TIAM1: variants seen among roughly 807,000 people sequenced by gnomAD.
TIAM1 encodes TIAM Rac1 associated GEF 1, also known as rho guanine nucleotide exchange factor TIAM1.
TIAM1 carries 65 observed loss-of-function variants against 163.5 expected under a neutral mutation model. The ratio of observed to expected loss-of-function variants is 0.40; its 90% CI spans 0.33 to 0.49. The LOEUF is 0.49. Among genes scored for constraint, TIAM1 ranks in the 20% least tolerant of loss-of-function variants. The pLI is 0.77. For synonymous variants in TIAM1, 833 were observed against 810.1 expected, an observed-to-expected ratio of 1.03 and a Z score of -0.48; for missense variants, 1,789 against 2,044.7, an observed-to-expected ratio of 0.87 and a Z score of 2.41.
rs550340650 is a variant in TIAM1 at position 31,441,473 on chromosome 21, C to T, written c.-369+22510G>A. On this transcript the variant is annotated intron_variant, in intron 2 of 28. Transcript: ENST00000286827. Reference sequence around the variant, plus strand: ...CTGCAAGCACTTTCCCCTTCTAGGACTTGAGTCCCAGGAATATGGCAATGT... The same window carrying T: ...CTGCAAGCACTTTCCCCTTCTAGGATTTGAGTCCCAGGAATATGGCAATGT... Among the ~76,000 whole-genome samples the T allele has an allele frequency of 5.6e-4, 85 of 152,284 alleles. 1 individual carries two copies. The highest frequency in any genetic ancestry group is 2.0e-3 in the African/African-American group (82 of 41,552).
intron 2 of TIAM1, among the ~76,000 whole-genome samples, chr21:31,388,259 A>ACACACACAC (rs1555964695): frequency 0.054 from 5,273 of 98,030 alleles, 184 homozygotes; most frequent in South Asian, 0.12. Context: ...ACACACACAC[A>ACACACACAC]ACCTCTTACG....
intron 2 of TIAM1, among the ~76,000 whole-genome samples, chr21:31,321,789 T>C (rs1297256205): frequency 6.6e-6 from 1 of 152,062 alleles, no homozygotes; most frequent in African/African-American, 2.4e-5. Context: ...CCGGGCACGG[T>C]GGCTCACACC....
chr21:31,185,004 G>C (rs2085213265), intron 14 of TIAM1, among the ~76,000 whole-genome samples: 1 of 149,934 alleles, frequency 6.7e-6, no homozygotes, highest in Middle Eastern at 3.2e-3. Context: ...GCTGAACCAG[G>C]ACAAAAAAGG....
chr21:31,163,931 A>G (rs1158938603), intron 16 of TIAM1, among the ~76,000 whole-genome samples: 7 of 152,248 alleles, frequency 4.6e-5, no homozygotes, highest in Non-Finnish European at 7.3e-5. Flanking sequence ...AAAAAGATGA[A>G]TAAGTATGGA....
chr21:31,153,714 T>TAC (rs1226736473), intron 17 of TIAM1, among the ~76,000 whole-genome samples: 1 of 73,122 alleles, frequency 1.4e-5, no homozygotes, highest in Non-Finnish European at 2.7e-5. Context: ...AACACATACA[T>TAC]ATATATATAT....
chr21:31,197,250 A>G (rs1490335673), intron 12 of TIAM1, among the ~76,000 whole-genome samples: 1 of 152,256 alleles, frequency 6.6e-6, no homozygotes, highest in Non-Finnish European at 1.5e-5. Context: ...AAGAGTTAAA[A>G]TTATTTAAAA....
At chr21:31,526,093 G>T (rs534356490) in intron 1 of TIAM1, among the ~76,000 whole-genome samples, 1 of 152,072 alleles carries the variant, frequency 6.6e-6, no homozygotes, top group South Asian at 2.1e-4. Flanking sequence ...TTTGAACCTG[G>T]TCTGCAGTTC....
intron 2 of TIAM1, among the ~76,000 whole-genome samples, chr21:31,330,561 C>T (rs2075645389): frequency 6.6e-6 from 1 of 152,190 alleles, no homozygotes; most frequent in Non-Finnish European, 1.5e-5. Context: ...GCCTTAGCCT[C>T]CCAAGTAGCT....
intron 1 of TIAM1, among the ~76,000 whole-genome samples, chr21:31,495,942 A>T: frequency 6.6e-6 from 1 of 151,976 alleles, no homozygotes; most frequent in East Asian, 1.9e-4. Flanking sequence ...ACTGCACTCC[A>T]GCCTGAGTGA....
intron 2 of TIAM1, among the ~76,000 whole-genome samples, chr21:31,430,770 CT>C (rs2043999823): frequency 6.6e-6 from 1 of 152,074 alleles, no homozygotes; most frequent in Non-Finnish European, 1.5e-5. Flanking sequence ...TGTTCTGTAT[CT>C]TTTCCTCCAC....
At chr21:31,269,723 G>A (rs1246710254) in intron 3 of TIAM1, among the ~76,000 whole-genome samples, 2 of 148,836 alleles carry the variant, frequency 1.3e-5, no homozygotes, top group African/African-American at 2.5e-5. Flanking sequence ...CCCGGCTGGA[G>A]TGCAGTGGCA....
rs929347180 is a variant in TIAM1, at chr21:31,240,284, T to TA, written c.1584+5203dup. Among the ~76,000 whole-genome samples the TA allele has an allele frequency of 2.6e-5, 4 of 152,180 alleles. No homozygotes were observed. In the East Asian group the frequency reaches 7.7e-4, roughly 29 times the overall value. On this transcript the variant is annotated intron_variant, in intron 6 of 27. Coordinates refer to ENST00000541036, the MANE Select transcript of TIAM1 (RefSeq NM_001353694.2). ...TTCACAAAAGCAACACGAACAGTGG[T>TA]AAAAAATGGTCAAAATCAACTTTTT...
intron 2 of TIAM1, among the ~76,000 whole-genome samples, chr21:31,354,467 T>G (rs2076284098): frequency 6.6e-6 from 1 of 151,518 alleles, no homozygotes; most frequent in African/African-American, 2.4e-5. Flanking sequence ...GGACCCCCCC[T>G]CCACACCCCC....
intron 1 of TIAM1, among the ~76,000 whole-genome samples, chr21:31,520,921 C>T (rs2047557911): frequency 6.6e-6 from 1 of 152,224 alleles, no homozygotes; most frequent in Non-Finnish European, 1.5e-5. Context: ...GAAAGAACAC[C>T]TGCTTCATAA....
chr21:31,528,335 C>T (rs1208220971), intron 1 of TIAM1, among the ~76,000 whole-genome samples: 1 of 151,212 alleles, frequency 6.6e-6, no homozygotes, highest in East Asian at 2.0e-4. Flanking sequence ...AGCAACATAC[C>T]AAGACCCTGT....
intron 6 of TIAM1, among the ~76,000 whole-genome samples, chr21:31,233,377 A>G (rs1283123735): frequency 1.3e-5 from 2 of 152,204 alleles, no homozygotes; most frequent in South Asian, 2.1e-4. Flanking sequence ...TTTTGTTTAC[A>G]TAAGACTTAT....
At chr21:31,401,346 T>C (rs1416575150) in intron 2 of TIAM1, among the ~76,000 whole-genome samples, 1 of 152,164 alleles carries the variant, frequency 6.6e-6, no homozygotes, top group African/African-American at 2.4e-5. Context: ...TCTTCCTCAT[T>C]CTACTGTCTA....
intron 2 of TIAM1, among the ~76,000 whole-genome samples, chr21:31,351,165 A>G (rs1310008087): frequency 6.6e-6 from 1 of 152,246 alleles, no homozygotes; most frequent in Non-Finnish European, 1.5e-5. Flanking sequence ...AGGGTCTAAC[A>G]TAGGGGTGAC....
intron 1 of TIAM1, among the ~76,000 whole-genome samples, chr21:31,343,637 G>T (rs1247067283): frequency 1.3e-5 from 2 of 152,104 alleles, no homozygotes; most frequent in African/African-American, 2.4e-5. Context: ...GGGAGCCACA[G>T]CTTCTGAATA....
Sources: gnomAD v4.1 joint callset for allele counts (sites outside exome capture counted in the v4.1 genomes callset) on GRCh38, gnomAD v4.1.1 for gene constraint, MANE v1.5 for transcripts, NCBI Gene and HGNC (gene_info 2026-07-23, HGNC 2026-07-21) for gene names.